Variants in DSCAM observed in about 807,000 individuals in gnomAD.
DSCAM encodes the protein DS cell adhesion molecule.
Under a neutral mutation model 217.7 loss-of-function variants are expected in DSCAM, and 47 were observed. The ratio of observed to expected loss-of-function variants is 0.22; its 90% confidence interval spans 0.17 to 0.28. The LOEUF (loss-of-function observed/expected upper bound fraction) is 0.28, where lower values mean the gene tolerates loss of function less well. DSCAM is among the 10% of genes least tolerant of loss of function. DSCAM has a pLI of 1.00. For missense variants in DSCAM, 2,080 were observed against 2,618.3 expected (o/e 0.79, Z 4.49); for synonymous variants, 1,056 against 1,015.3 (o/e 1.04, Z -0.76).
intron 27 of DSCAM, among the ~76,000 whole-genome samples, chr21:40,068,772 T>G (rs534342749): frequency 6.6e-6 from 1 of 152,254 alleles, no homozygotes; most frequent in South Asian, 2.1e-4. Flanking sequence ...ATAGCTGGCC[T>G]TCAGTTTTCA....
intron 5 of DSCAM, among the ~76,000 whole-genome samples, chr21:40,351,599 A>G (rs971181435): frequency 6.6e-6 from 1 of 152,166 alleles, no homozygotes; most frequent in African/African-American, 2.4e-5. Context: ...GCCCAAGAGA[A>G]TGCCTTCCAA....
rs532249389 is a variant in DSCAM, at chr21:40,607,728, A to G, written c.508+85082T>C. Among the ~76,000 whole-genome samples the G allele has an allele frequency of 9.3e-4, 141 of 152,232 alleles. 1 individual carries two copies. The highest frequency in any genetic ancestry group is 3.2e-3 in the African/African-American group (133 of 41,540). Reference sequence around the variant, plus strand: ...CATTCTCTCTTGCCTGCTGCCATGTAAGACGTGCCTTTCACCTTCTGCCAT... The same window carrying G: ...CATTCTCTCTTGCCTGCTGCCATGTGAGACGTGCCTTTCACCTTCTGCCAT... On this transcript the variant is annotated intron_variant, in intron 3 of 32. Coordinates refer to ENST00000400454, the MANE Select transcript of DSCAM (RefSeq NM_001389.5).
chr21:40,381,081 A>AAG (rs1246690778), intron 3 of DSCAM, among the ~76,000 whole-genome samples: 25 of 150,758 alleles, frequency 1.7e-4, no homozygotes, highest in Non-Finnish European at 7.4e-5. Flanking sequence ...AAAAAAAAAA[A>AAG]AAAGAAAATA....
intron 3 of DSCAM, among the ~76,000 whole-genome samples, chr21:40,509,301 C>G (rs1286313049): frequency 6.6e-6 from 1 of 152,166 alleles, no homozygotes; most frequent in East Asian, 1.9e-4. Flanking sequence ...GCAGTGAATC[C>G]TAATGCCCAA....
intron 14 of DSCAM, among the ~76,000 whole-genome samples, chr21:40,181,515 G>GAA (rs1250761854): frequency 2.6e-5 from 4 of 152,134 alleles, no homozygotes; most frequent in Non-Finnish European, 5.9e-5. Context: ...TTTCCTTAGT[G>GAA]AAAGTCAAGA....
intron 11 of DSCAM, among the ~76,000 whole-genome samples, chr21:40,191,412 T>G (rs1321520437): frequency 1.3e-5 from 2 of 152,192 alleles, no homozygotes; most frequent in African/African-American, 4.8e-5. Context: ...GTGAAATTCC[T>G]TTTCTGGCAT....
At chr21:40,066,331 A>G (rs1447078723) in intron 27 of DSCAM, among the ~76,000 whole-genome samples, 1 of 152,218 alleles carries the variant, frequency 6.6e-6, no homozygotes, top group Non-Finnish European at 1.5e-5. Context: ...TTTAACCTGA[A>G]GTCATTTGCC....
chr21:40,280,181 CTTTTTT>C (rs3988427), intron 10 of DSCAM, among the ~76,000 whole-genome samples: 3 of 118,920 alleles, frequency 2.5e-5, no homozygotes, highest in African/African-American at 1.0e-4. Flanking sequence ...ATTTTGGTGC[CTTTTTT>C]TTTTTTTTTT....
intron 11 of DSCAM, among the ~76,000 whole-genome samples, chr21:40,275,681 A>G (rs935950816): frequency 6.6e-6 from 1 of 152,208 alleles, no homozygotes; most frequent in African/African-American, 2.4e-5. Context: ...ACAGCTTGCA[A>G]ATAACAAAAT....
intron 3 of DSCAM, among the ~76,000 whole-genome samples, chr21:40,436,651 G>T (rs76272754): frequency 0.043 from 6,542 of 152,282 alleles, 184 homozygotes; most frequent in Middle Eastern, 0.075. Context: ...ATATGATGAG[G>T]GGTGTCAGGA....
intron 8 of DSCAM, among the ~76,000 whole-genome samples, chr21:40,333,853 G>A (rs2074402080): frequency 6.6e-6 from 1 of 152,048 alleles, no homozygotes; most frequent in Non-Finnish European, 1.5e-5. Context: ...TCACACCTAG[G>A]CCTCCCAAGT....
intron 3 of DSCAM, among the ~76,000 whole-genome samples, chr21:40,375,289 C>T (rs573472166): frequency 2.4e-4 from 36 of 152,358 alleles, no homozygotes; most frequent in Middle Eastern, 3.4e-3. Context: ...ATTCAACATG[C>T]ATGAGCATTT....
At chr21:40,201,382 T>C (rs995525048) in intron 11 of DSCAM, among the ~76,000 whole-genome samples, 29 of 152,262 alleles carry the variant, frequency 1.9e-4, no homozygotes, top group Admixed American at 1.8e-3. Flanking sequence ...TCTTTCTTTT[T>C]TTTTTTCCAT....
At chr21:40,676,680 C>A (rs1308026545) in intron 3 of DSCAM, among the ~76,000 whole-genome samples, 1 of 151,982 alleles carries the variant, frequency 6.6e-6, no homozygotes, top group East Asian at 1.9e-4. Context: ...ATGGAAAGTT[C>A]GAACACAGAA....
intron 1 of DSCAM, among the ~76,000 whole-genome samples, chr21:40,838,404 C>A (rs2092073734): frequency 6.6e-6 from 1 of 152,376 alleles, no homozygotes; most frequent in East Asian, 1.9e-4. Flanking sequence ...CTGGTCCTAA[C>A]ACCAGCTTCT....
intron 1 of DSCAM, among the ~76,000 whole-genome samples, chr21:40,770,695 C>T (rs187748502): frequency 6.6e-6 from 1 of 152,256 alleles, no homozygotes; most frequent in Admixed American, 6.5e-5. Flanking sequence ...GTCACAACAA[C>T]CCTACAGGAG....
At chr21:40,608,929 A>G (rs1362722959) in intron 3 of DSCAM, among the ~76,000 whole-genome samples, 2 of 152,080 alleles carry the variant, frequency 1.3e-5, no homozygotes, top group Non-Finnish European at 2.9e-5. Flanking sequence ...TGTTTTGAAT[A>G]AGTTGAATTG....
At chr21:40,129,235 G>A (rs986378368) in intron 19 of DSCAM, among the ~76,000 whole-genome samples, 9 of 152,250 alleles carry the variant, frequency 5.9e-5, no homozygotes, top group Non-Finnish European at 7.3e-5. Flanking sequence ...ATGCCGTGCC[G>A]TGCAGATGCT....
At chr21:40,596,795 TAC>T (rs935452066) in intron 3 of DSCAM, among the ~76,000 whole-genome samples, 4 of 152,176 alleles carry the variant, frequency 2.6e-5, no homozygotes, top group African/African-American at 9.6e-5. Flanking sequence ...CTGACCACAT[TAC>T]AGTTTTATAG....
Sources: allele counts gnomAD v4.1 joint callset (sites outside exome capture counted in the v4.1 genomes callset), GRCh38; gene constraint gnomAD v4.1.1; transcripts MANE v1.5; gene names NCBI Gene and HGNC (gene_info 2026-07-23, HGNC 2026-07-21).